Variants in DCC observed in about 807,000 individuals in gnomAD.
DCC encodes netrin receptor DCC.
In DCC, 58 loss-of-function variants were observed where a neutral mutation model predicts 172.5. That is an observed-to-expected ratio of 0.34 (90% CI 0.27 to 0.42). The LOEUF is 0.42. DCC is among the 10% of genes least tolerant of loss of function. The pLI, the probability that DCC is intolerant of heterozygous loss-of-function variation, is 1.00. For synonymous variants in DCC, 709 were observed against 644.5 expected (o/e 1.10, Z -1.52); for missense variants, 1,740 against 1,791.0 (o/e 0.97, Z 0.51).
chr18:53,225,242 G>A (rs757424411), intron 12 of DCC, among the ~76,000 whole-genome samples: 1 of 152,170 alleles, frequency 6.6e-6, no homozygotes, highest in African/African-American at 2.4e-5. Flanking sequence ...TATTTGTGAG[G>A]AGTTTTGCTC....
intron 8 of DCC, among the ~76,000 whole-genome samples, chr18:53,167,524 A>G (rs770628775): frequency 1.3e-5 from 2 of 152,154 alleles, no homozygotes; most frequent in East Asian, 1.9e-4. Flanking sequence ...ATAGAATCCA[A>G]TTTTCTAGGC....
chr18:52,938,937 C>CA (rs2040421485), intron 5 of DCC, among the ~76,000 whole-genome samples: 1 of 152,048 alleles, frequency 6.6e-6, no homozygotes. Context: ...GTCTCTCTTC[C>CA]ATTCTTGCCT....
At chr18:52,716,486 AT>A (rs977116560) in intron 1 of DCC, among the ~76,000 whole-genome samples, 17 of 152,198 alleles carry the variant, frequency 1.1e-4, no homozygotes, top group African/African-American at 4.1e-4. Flanking sequence ...AAACCTTGGT[AT>A]TCTTACATGT....
chr18:52,894,574 C>T (rs975807234), intron 2 of DCC, among the ~76,000 whole-genome samples: 2 of 151,686 alleles, frequency 1.3e-5, no homozygotes, highest in African/African-American at 4.8e-5. Flanking sequence ...AAGGAATTGG[C>T]TCACATGGTT....
chr18:53,420,929 C>T (rs1910612978), intron 21 of DCC, among the ~76,000 whole-genome samples: 1 of 152,100 alleles, frequency 6.6e-6, no homozygotes, highest in South Asian at 2.1e-4. Context: ...AGTTAGAACT[C>T]AAAACTTTTC....
intron 1 of DCC, among the ~76,000 whole-genome samples, chr18:52,734,497 A>C (rs2036693932): frequency 6.6e-6 from 1 of 152,116 alleles, no homozygotes; most frequent in Non-Finnish European, 1.5e-5. Context: ...ACCTTGGCTG[A>C]CTATGTTACT....
intron 25 of DCC, among the ~76,000 whole-genome samples, 182 bp from the exon 26 acceptor site, chr18:53,486,615 G>A (rs2045902852): frequency 6.6e-6 from 1 of 152,182 alleles, no homozygotes; most frequent in Non-Finnish European, 1.5e-5. Flanking sequence ...GATGCTTGAG[G>A]GATGAGCTGT....
chr18:53,059,413 G>A (rs544887441), intron 5 of DCC, among the ~76,000 whole-genome samples: 232 of 152,230 alleles, frequency 1.5e-3, no homozygotes, highest in African/African-American at 5.2e-3. Context: ...TAAGTCACGT[G>A]TGGATGATAA....
At chr18:52,560,017 T>G (rs2033000506) in intron 1 of DCC, among the ~76,000 whole-genome samples, 1 of 152,240 alleles carries the variant, frequency 6.6e-6, no homozygotes, top group Admixed American at 6.5e-5. Context: ...TACCTCTTAT[T>G]GCGTATATTC....
chr18:52,599,970 T>A (rs911583795), intron 1 of DCC, among the ~76,000 whole-genome samples: 1 of 152,206 alleles, frequency 6.6e-6, no homozygotes, highest in South Asian at 2.1e-4. Flanking sequence ...ATCCCCTTTC[T>A]ATGGTTCCTA....
intron 2 of DCC, among the ~76,000 whole-genome samples, chr18:52,831,833 A>G (rs553673729): frequency 2.0e-5 from 3 of 152,220 alleles, no homozygotes; most frequent in Admixed American, 2.0e-4. Flanking sequence ...TAGTCATCCT[A>G]ATGTGTTAGG....
intron 28 of DCC, chr18:53,526,961 C>A: frequency 1.7e-6 from 1 of 590,728 alleles, no homozygotes; most frequent in East Asian, 3.0e-5. Flanking sequence ...ATGTCAGAGA[C>A]TTAGTTATGT....
chr18:53,113,268 G>A (rs1034718160), intron 7 of DCC, among the ~76,000 whole-genome samples: 4 of 151,342 alleles, frequency 2.6e-5, no homozygotes, highest in East Asian at 2.0e-4. Context: ...GAGGCTGCTC[G>A]GTAAATAAAC....
At chr18:53,382,910 A>T (rs2144986199) in intron 15 of DCC, among the ~76,000 whole-genome samples, 1 of 152,166 alleles carries the variant, frequency 6.6e-6, no homozygotes, top group East Asian at 1.9e-4. Context: ...TATGAAGAAA[A>T]CTCAATCAGA....
chr18:52,988,963 A>G (rs142483744), intron 5 of DCC, among the ~76,000 whole-genome samples: 24 of 151,526 alleles, frequency 1.6e-4, no homozygotes, highest in African/African-American at 4.9e-4. Context: ...CATTACTACA[A>G]TGTTCTAACT....
At chr18:52,757,239 A>C (rs1412700568) in intron 2 of DCC, 1 of 152,184 alleles carries the variant, frequency 6.6e-6, no homozygotes. Context: ...AATCATTTCC[A>C]AAACATGTAC....
chr18:53,059,334 G>A (rs1444042474), intron 5 of DCC, among the ~76,000 whole-genome samples: 1 of 152,088 alleles, frequency 6.6e-6, no homozygotes. Context: ...TTCAGGGTGA[G>A]AAAATAGAAT....
At chr18:53,068,891 C>T (rs1177883384) in intron 7 of DCC, among the ~76,000 whole-genome samples, 4 of 151,684 alleles carry the variant, frequency 2.6e-5, no homozygotes, top group African/African-American at 7.3e-5. Context: ...ACAAACCTGC[C>T]CCCAGTGTCT....
At chr18:52,812,795 C>T (rs963592476) in intron 2 of DCC, among the ~76,000 whole-genome samples, 2 of 152,200 alleles carry the variant, frequency 1.3e-5, no homozygotes, top group African/African-American at 4.8e-5. Context: ...AGGCAAAGCT[C>T]CATTTAAATT....
Sources: gnomAD v4.1 joint callset for allele counts (sites outside exome capture counted in the v4.1 genomes callset) on GRCh38, gnomAD v4.1.1 for gene constraint, MANE v1.5 for transcripts, NCBI Gene and HGNC (gene_info 2026-07-23, HGNC 2026-07-21) for gene names.